IGSF3: variants seen among roughly 807,000 people sequenced by gnomAD.
The protein encoded by IGSF3 is immunoglobulin superfamily member 3, also known as glu-Trp-Ile EWI motif-containing protein 3.
A neutral mutation model predicts 114.4 loss-of-function variants in IGSF3; 23 were observed. That is an observed-to-expected ratio of 0.20 (90% confidence interval 0.14 to 0.28). IGSF3 has a LOEUF of 0.28. Ranked by LOEUF, IGSF3 falls within the 10% of genes least tolerant of loss-of-function variation. The pLI, the probability that IGSF3 is intolerant of heterozygous loss-of-function variation, is 1.00. For missense variants in IGSF3, 1,172 were observed against 1,591.5 expected, an observed-to-expected ratio of 0.74 and a Z score of 4.48; for synonymous variants, 571 against 645.2, an observed-to-expected ratio of 0.88 and a Z score of 1.74.
chr1:116,590,960 T>A (rs1660084528), intron 7 of IGSF3, among the ~76,000 whole-genome samples: 1 of 152,190 alleles, frequency 6.6e-6, no homozygotes. Context: ...CCAGGAAGAC[T>A]TGTTGAATTC....
chr1:116,603,750 T>C lies in IGSF3; in HGVS notation c.1498A>G (p.Asn500Asp), dbSNP rs1660687616. 5 of 1,613,872 alleles carry C rather than the reference T, an allele frequency of 3.1e-6. No individual in the cohort carries two copies. The highest frequency in any genetic ancestry group is 1.6e-4 in the Middle Eastern group (1 of 6,078). The stretch of plus-strand genomic sequence containing the variant: ...TGGCCCTCGTCCTCCTTCCTGCTGT[T>C]GAAGATGCCCAGGCTGAACGAGTTG... ...QPNSFSLGIFNSRKEDEGQYE... is the reference protein window; with the variant it reads ...QPNSFSLGIFDSRKEDEGQYE... Residue 500 changes from asparagine to aspartate, a missense_variant, in exon 6 of 11, where the codon AAC becomes GAC. Around this residue, in one of 3 missense-constraint regions of IGSF3, gnomAD observed 736 missense variants for 1,042.0 expected, o/e 0.71. Transcript: ENST00000369486. The surrounding 1 kb of genome is among the most constrained non-coding windows in gnomAD (Gnocchi z 7.1).
chr1:116,593,863 T>G lies in IGSF3; in HGVS notation c.2030-4759A>C, dbSNP rs1660228471. Among the ~76,000 whole-genome samples, 1 of 152,186 alleles carries G rather than the reference T, an allele frequency of 6.6e-6. No homozygotes were observed. Among genetic ancestry groups the G allele is most frequent in the South Asian group, 2.1e-4 (1 of 4,830 alleles). ...TATTGATTTGGGGAGGGGTATATAT[T>G]CAATGGAATAAAGCCATTAAAGATG... On this transcript the variant is annotated intron_variant, in intron 7 of 10. Coordinates refer to ENST00000369486, the MANE Select transcript of IGSF3 (RefSeq NM_001007237.3). This position sits in a 1 kb window ranked among gnomAD's most constrained non-coding sequence, Gnocchi z 4.5.
chr1:116,597,287 C>G (rs1425671898), intron 7 of IGSF3, among the ~76,000 whole-genome samples: 2 of 152,230 alleles, frequency 1.3e-5, no homozygotes, highest in African/African-American at 4.8e-5. Flanking sequence ...AGCGCACAGT[C>G]AGCTCTCATG....
At position 116,615,612 on chromosome 1, in the gene IGSF3, C is replaced by A. The variant is rs1425111571; in HGVS notation, c.421+468G>T. Among the ~76,000 whole-genome samples, 1 of 152,136 alleles carries A rather than the reference C, an allele frequency of 6.6e-6. No individual in the cohort carries two copies. On this transcript the variant is annotated intron_variant, in intron 3 of 10. Transcript: ENST00000369486. This position sits in a 1 kb window ranked among gnomAD's most constrained non-coding sequence, Gnocchi z 4.3. ...GTTCATAGTTCCTTACGCATGGAGC[C>A]AAAGGACCTTCAATGTACAAGGTCT...
chr1:116,666,977 AT>A, intron 1 of IGSF3, 21 bp from the exon 2 acceptor site: 1 of 400,036 alleles, frequency 2.5e-6, no homozygotes, highest in Non-Finnish European at 4.4e-6. Flanking sequence ...CACAACAGAG[AT>A]TTTTATCAAA....
rs184847671 is a variant in IGSF3, at chr1:116,605,973, G to C, written c.1223-1948C>G. ...TGGAAACCCACATAGTTAGAATGTGGGGCTACAAGAAGAAATGCTATTTTA... is the reference window on the plus strand; with the variant it reads ...TGGAAACCCACATAGTTAGAATGTGCGGCTACAAGAAGAAATGCTATTTTA... On this transcript the variant is annotated intron_variant, in intron 5 of 10. Transcript: ENST00000369486. The surrounding 1 kb of genome is among the most constrained non-coding windows in gnomAD (Gnocchi z 5.1). Among the ~76,000 whole-genome samples the C allele has an allele frequency of 8.5e-5, 13 of 152,240 alleles. No individual in the cohort carries two copies. Among genetic ancestry groups the C allele is most frequent in the African/African-American group, 2.4e-5 (1 of 41,534 alleles).
rs201397796 is a variant in IGSF3, at chr1:116,588,670, G to A, written c.2440+24C>T. ...CTCTGCACTAAACCCACTGGCCCAGGACAGCCGTGCCCTGCGGCCTTACCT... is the reference window on the plus strand; with the variant it reads ...CTCTGCACTAAACCCACTGGCCCAGAACAGCCGTGCCCTGCGGCCTTACCT... On this transcript the variant is annotated intron_variant, in intron 8 of 10. Transcript: ENST00000369486. The surrounding 1 kb of genome is among the most constrained non-coding windows in gnomAD (Gnocchi z 4.9). 3,743 of 1,534,142 alleles carry A rather than the reference G, an allele frequency of 2.4e-3. 12 individuals carry two copies. The highest frequency in any genetic ancestry group is 5.1e-3 in the South Asian group (408 of 79,920).
rs1444193963 is a variant in IGSF3 at position 116,632,036 on chromosome 1, C to A, written c.44-15579G>T. 6.6e-6 allele frequency among the ~76,000 whole-genome samples: 1 copy of A among 152,190 alleles called. No individual in the cohort carries two copies. Among genetic ancestry groups the A allele is most frequent in the Admixed American group, 6.5e-5 (1 of 15,276 alleles). ...ACAGAAACGGTCACTGAGAGCAGAG[C>A]CTATTCCTGAAAAGCAAAAGACTCC... On this transcript the variant is annotated intron_variant, in intron 2 of 10. Coordinates refer to ENST00000369486, the MANE Select transcript of IGSF3 (RefSeq NM_001007237.3). This position sits in a 1 kb window ranked among gnomAD's most constrained non-coding sequence, Gnocchi z 5.1.
rs1215249498 is a variant in IGSF3 at position 116,634,763 on chromosome 1, T to C, written c.44-18306A>G. Among the ~76,000 whole-genome samples, 4 of 152,044 alleles carry C rather than the reference T, an allele frequency of 2.6e-5. No individual in the cohort carries two copies. Among genetic ancestry groups the C allele is most frequent in the African/African-American group, 9.7e-5 (4 of 41,374 alleles). On this transcript the variant is annotated intron_variant, in intron 2 of 10. Coordinates refer to ENST00000369486, the MANE Select transcript of IGSF3 (RefSeq NM_001007237.3). This position sits in a 1 kb window ranked among gnomAD's most constrained non-coding sequence, Gnocchi z 4.2. Reference sequence around the variant, plus strand: ...GAATCTAGGTGGGCTACAGCTCTGGTAGAAGTGACACTCTGTGACCTTAAG... The same window carrying C: ...GAATCTAGGTGGGCTACAGCTCTGGCAGAAGTGACACTCTGTGACCTTAAG...
At position 116,616,050 on chromosome 1, in the gene IGSF3, G is replaced by C; in HGVS notation, c.421+30C>G. 6.4e-7 allele frequency: 1 copy of C among 1,568,922 alleles called. No individual in the cohort carries two copies. Among genetic ancestry groups the C allele is most frequent in the South Asian group, 1.1e-5 (1 of 87,234 alleles). ...ACTAAAGAACTGAGTCAGGCCAGAC[G>C]CTGGCAACGTGAAGACAGCTTCTCC... On this transcript the variant is annotated intron_variant, in intron 3 of 10. Coordinates refer to ENST00000369486, the MANE Select transcript of IGSF3 (RefSeq NM_001007237.3). This position sits in a 1 kb window ranked among gnomAD's most constrained non-coding sequence, Gnocchi z 6.6.
rs1004689846 is a variant in IGSF3 at position 116,624,364 on chromosome 1, G to T, written c.44-7907C>A. Among the ~76,000 whole-genome samples, 6 of 152,148 alleles carry T rather than the reference G, an allele frequency of 3.9e-5. No homozygotes were observed. The highest frequency in any genetic ancestry group is 8.8e-5 in the Non-Finnish European group (6 of 68,032). ...GCAGTAGCTGTGAGATCTTGGGCTG[G>T]TTACTTAACCTCTCTGCACCTCAGT... On this transcript the variant is annotated intron_variant, in intron 2 of 10. Coordinates refer to ENST00000369486, the MANE Select transcript of IGSF3 (RefSeq NM_001007237.3). The surrounding 1 kb of genome is among the most constrained non-coding windows in gnomAD (Gnocchi z 4.9).
intron 7 of IGSF3, among the ~76,000 whole-genome samples, chr1:116,590,481 C>T (rs1182034117): frequency 2.0e-5 from 3 of 152,208 alleles, no homozygotes. Flanking sequence ...GCCACAGGGA[C>T]CAAACCACTT....
intron 2 of IGSF3, among the ~76,000 whole-genome samples, chr1:116,641,715 A>G (rs1648111929): frequency 6.6e-6 from 1 of 151,962 alleles, no homozygotes; most frequent in Admixed American, 6.6e-5. Flanking sequence ...CCAGGAAGGG[A>G]AGCCAGGAAA....
chr1:116,666,837 G>A lies in IGSF3; in HGVS notation c.-511C>T, dbSNP rs1317174056. 6 of 408,060 alleles carry A rather than the reference G, an allele frequency of 1.5e-5. No homozygotes were observed. Among genetic ancestry groups the A allele is most frequent in the Non-Finnish European group, 2.6e-5 (6 of 231,722 alleles). 25.3% of individuals were successfully genotyped at this position (408,060 alleles called of 1,614,324 possible). On this transcript the variant is annotated 5_prime_UTR_variant, in exon 2 of 11. Transcript: ENST00000369486. ...ACCGTTTGGGTTTCTTCACCAAAAA[G>A]TCCGTTTCCATCCATGGTGGTAGGT... is the stretch of plus-strand genomic sequence containing the variant.
At chr1:116,581,975 T>G (rs995366266) in intron 9 of IGSF3, among the ~76,000 whole-genome samples, 6 of 152,156 alleles carry the variant, frequency 3.9e-5, no homozygotes, top group African/African-American at 1.4e-4. Context: ...GCAGTGGAAC[T>G]TATCATGGCC....
Position 116,651,661 on chromosome 1 carries a change from G to A in IGSF3, c.43+14623C>T, listed in dbSNP as rs1266463469. Among the ~76,000 whole-genome samples the A allele has an allele frequency of 2.0e-5, 3 of 152,016 alleles. No homozygotes were observed. Among genetic ancestry groups the A allele is most frequent in the Admixed American group, 6.6e-5 (1 of 15,264 alleles). ...GAACTATGTGACATTATTGACATTC[G>A]ACTGCTTCTGACCTATCAAAATGGC... On this transcript the variant is annotated intron_variant, in intron 2 of 10. Coordinates refer to ENST00000369486, the MANE Select transcript of IGSF3 (RefSeq NM_001007237.3). The surrounding 1 kb of genome is among the most constrained non-coding windows in gnomAD (Gnocchi z 4.4).
At chr1:116,660,239 C>T (rs1649054278) in intron 2 of IGSF3, among the ~76,000 whole-genome samples, 1 of 152,214 alleles carries the variant, frequency 6.6e-6, no homozygotes. Flanking sequence ...CCCTCCCCAT[C>T]AAATCCTGAC....
Position 116,607,194 on chromosome 1 carries a change from G to T in IGSF3, c.1222+748C>A, listed in dbSNP as rs1036593398. 6.6e-6 allele frequency among the ~76,000 whole-genome samples: 1 copy of T among 152,134 alleles called. No individual in the cohort carries two copies. Among genetic ancestry groups the T allele is most frequent in the South Asian group, 2.1e-4 (1 of 4,826 alleles). ...CTTTACTAAAAACAGAACTATGGGA[G>T]AATGAGATTAATAAGAATATCTTGA... is the stretch of plus-strand genomic sequence containing the variant. On this transcript the variant is annotated intron_variant, in intron 5 of 10. Transcript: ENST00000369486. This position sits in a 1 kb window ranked among gnomAD's most constrained non-coding sequence, Gnocchi z 6.1.
intron 2 of IGSF3, among the ~76,000 whole-genome samples, chr1:116,623,551 T>C (rs1377066031): frequency 6.6e-6 from 1 of 151,950 alleles, no homozygotes; most frequent in Non-Finnish European, 1.5e-5. Flanking sequence ...CCGGGTGTGA[T>C]GGCACACGCT....
Sources: gnomAD v4.1 joint callset for allele counts (sites outside exome capture counted in the v4.1 genomes callset) on GRCh38, gnomAD v4.1.1 for gene constraint, gnomAD v4.1.1 regional missense constraint, Gnocchi (gnomAD v3.1) non-coding constraint, MANE v1.5 for transcripts, NCBI Gene and HGNC (gene_info 2026-07-23, HGNC 2026-07-21) for gene names.